The following FRRS1L variants were observed in gnomAD, a reference collection of about 807,000 sequenced individuals.
FRRS1L encodes ferric chelate reductase 1 like.
A neutral mutation model predicts 28.6 loss-of-function variants in FRRS1L; 22 were observed. The observed-to-expected ratio is 0.77, with a 90% CI of 0.55 to 1.10. FRRS1L has a LOEUF of 1.10. Among genes scored for constraint, FRRS1L ranks in the 50% least tolerant of loss-of-function variants. The pLI is 0.00. For missense variants in FRRS1L, 380 were observed against 386.9 expected (o/e 0.98, Z 0.15); for synonymous variants, 158 against 151.4 (o/e 1.04, Z -0.32).
At position 109,167,139 on chromosome 9, in the gene FRRS1L, CCG is replaced by C. The variant is rs1174413470; in HGVS notation, c.-3_-2del. ...GGTGCTGCCGGGGCGGCCGCGCCAT[CCG>C]TGCGCACAGATCCCGCAGCCAGGCC... is the stretch of plus-strand genomic sequence containing the variant. On this transcript the variant is annotated 5_prime_UTR_variant, in exon 1 of 5. Coordinates refer to ENST00000561981, the MANE Select transcript of FRRS1L (RefSeq NM_014334.4). 1 of 1,152,976 alleles carries C rather than the reference CCG, an allele frequency of 8.7e-7. No individual in the cohort carries two copies. The highest frequency in any genetic ancestry group is 1.1e-6 in the Non-Finnish European group (1 of 941,214). 71.4% of individuals were successfully genotyped at this position (1,152,976 alleles called of 1,614,324 possible). A position where few individuals can be genotyped will look rare whatever the true frequency, so the allele number is the denominator to read the frequency against.
intron 2 of FRRS1L, among the ~76,000 whole-genome samples, chr9:109,149,140 T>C (rs1831298237): frequency 6.6e-6 from 1 of 152,220 alleles, no homozygotes; most frequent in Non-Finnish European, 1.5e-5. Context: ...CAGCCCGTCA[T>C]GTCGTGATAC....
rs1831096081 is a variant in FRRS1L, at chr9:109,134,984, C to T, written c.*2471G>A. ...AGGGGACTTGAGTTTGAATCCTACC[C>T]AGTTCCATTATGCACTTGATGTCAT... On this transcript the variant is annotated 3_prime_UTR_variant, in exon 5 of 5. Transcript: ENST00000561981. 6.6e-6 allele frequency: 1 copy of T among 152,224 alleles called. No individual in the cohort carries two copies. 9.4% of individuals were successfully genotyped at this position (152,224 alleles called of 1,614,324 possible).
At chr9:109,144,994 T>C (rs1263432567) in intron 3 of FRRS1L, among the ~76,000 whole-genome samples, 1 of 152,168 alleles carries the variant, frequency 6.6e-6, no homozygotes, top group East Asian at 1.9e-4. Flanking sequence ...GCACTGTCAC[T>C]GCTGGAACTT....
chr9:109,147,551 C>T (rs987907483), intron 2 of FRRS1L: 2 of 168,172 alleles, frequency 1.2e-5, no homozygotes, highest in African/African-American at 4.7e-5. Flanking sequence ...ATTTCTGAAT[C>T]CCTTTTAATG....
At chr9:109,157,764 T>A (rs1200404149) in intron 1 of FRRS1L, among the ~76,000 whole-genome samples, 2 of 152,244 alleles carry the variant, frequency 1.3e-5, no homozygotes, top group Admixed American at 6.5e-5. Context: ...TTGGATACTA[T>A]ACTGTTACAG....
At chr9:109,142,796 G>T (rs560237156) in intron 3 of FRRS1L, among the ~76,000 whole-genome samples, 9 of 146,420 alleles carry the variant, frequency 6.1e-5, no homozygotes, top group African/African-American at 2.3e-4. Context: ...AATAGGGTGA[G>T]ACCCTGTCTC....
rs370942079 is a variant in FRRS1L at position 109,153,972 on chromosome 9, A to G, written c.239-4252T>C. 8.2e-4 allele frequency among the ~76,000 whole-genome samples: 125 copies of G among 152,298 alleles called. 1 individual carries two copies. Among genetic ancestry groups the G allele is most frequent in the Middle Eastern group, 3.4e-3 (1 of 294 alleles). On this transcript the variant is annotated intron_variant, in intron 1 of 4. Transcript: ENST00000561981. ...AGGTGCTTAGACTCTGCCAATAGCA[A>G]GCATTAGAGGAAGGCAGGAGGAGGG...
rs895585877 is a variant in FRRS1L at position 109,167,109 on chromosome 9, C to G, written c.30G>C (p.Gly10=). The change falls in exon 1 of 5, where the codon GGG becomes GGC. Residue 10 remains glycine (G), a synonymous_variant. Transcript: ENST00000561981. MARPPRQHP[G]VWASLLLLLL... ...GCAGCAGGAGCAGCGACGCCCAGAC[C>G]CCCGGGTGCTGCCGGGGCGGCCGCG... 1.5e-5 allele frequency: 18 copies of G among 1,174,586 alleles called. No homozygotes were observed. The African/African-American group carries it at 2.5e-4, about 16-fold the overall frequency. The allele number at this position is 1,174,586 out of a possible 1,614,324, so 72.8% of individuals were successfully genotyped here.
chr9:109,154,298 A>C (rs367565007), intron 1 of FRRS1L, among the ~76,000 whole-genome samples: 6 of 151,946 alleles, frequency 3.9e-5, no homozygotes, highest in African/African-American at 1.4e-4. Context: ...CTATCTTGGT[A>C]CTCCCTTTTT....
chr9:109,158,814 A>G (rs1185609751), intron 1 of FRRS1L, among the ~76,000 whole-genome samples: 5 of 152,234 alleles, frequency 3.3e-5, no homozygotes, highest in Non-Finnish European at 7.3e-5. Flanking sequence ...TTGTGTGAAC[A>G]TATGTTTCCA....
chr9:109,164,728 G>A (rs757305623), intron 1 of FRRS1L, among the ~76,000 whole-genome samples: 16 of 152,210 alleles, frequency 1.1e-4, no homozygotes, highest in Non-Finnish European at 1.3e-4. Context: ...ATGCCAACAG[G>A]TTAGAGGCAG....
intron 1 of FRRS1L, among the ~76,000 whole-genome samples, chr9:109,162,080 C>A (rs553906952): frequency 5.5e-4 from 84 of 152,300 alleles, no homozygotes; most frequent in African/African-American, 1.9e-3. Context: ...CTTTGGGGGG[C>A]CAAGGCAGGC....
At chr9:109,153,743 T>C (rs185657949) in intron 1 of FRRS1L, among the ~76,000 whole-genome samples, 1 of 152,164 alleles carries the variant, frequency 6.6e-6, no homozygotes, top group Non-Finnish European at 1.5e-5. Context: ...GGGTCATTAG[T>C]GTAGGAACTG....
intron 2 of FRRS1L, chr9:109,147,452 G>T: frequency 2.8e-6 from 1 of 362,634 alleles, no homozygotes; most frequent in East Asian, 4.6e-5. Context: ...GTTGCAACAG[G>T]ACTTGAATCT....
In FRRS1L at chr9:109,136,450, G is replaced by A. The variant is rs1831112305; in HGVS notation, c.*1005C>T. The A allele has an allele frequency of 6.7e-6, 1 of 149,068 alleles. No individual in the cohort carries two copies. Among genetic ancestry groups the A allele is most frequent in the Admixed American group, 6.7e-5 (1 of 14,884 alleles). 9.2% of individuals were successfully genotyped at this position (149,068 alleles called of 1,614,324 possible). A position where few individuals can be genotyped will look rare whatever the true frequency, so the allele number is the denominator to read the frequency against. On this transcript the variant is annotated 3_prime_UTR_variant, in exon 5 of 5. Coordinates refer to ENST00000561981, the MANE Select transcript of FRRS1L (RefSeq NM_014334.4). ...GCTCACAGTTTGGTCTCCAACCTTT[G>A]CAAATAGCAGTAAAAATGTTTTCCC...
rs1326666932 is a variant in FRRS1L at position 109,134,202 on chromosome 9, A to C, written c.*3253T>G. 6.6e-6 allele frequency: 1 copy of C among 152,238 alleles called. No homozygotes were observed. Among genetic ancestry groups the C allele is most frequent in the Admixed American group, 6.5e-5 (1 of 15,290 alleles). The allele number at this position is 152,238 out of a possible 1,614,324, so 9.4% of individuals were successfully genotyped here. A position where few individuals can be genotyped will look rare whatever the true frequency, so the allele number is the denominator to read the frequency against. ...GCCATAGAAGTATAGTTTCACATAT[A>C]GATTCATTCCACAAATGTTTGCTGA... is the stretch of plus-strand genomic sequence containing the variant. On this transcript the variant is annotated 3_prime_UTR_variant, in exon 5 of 5. Coordinates refer to ENST00000561981, the MANE Select transcript of FRRS1L (RefSeq NM_014334.4).
Position 109,133,562 on chromosome 9 carries a change from G to A in FRRS1L, c.*3893C>T, listed in dbSNP as rs1045517107. ...CTCCTTAGGCTTCAGCTGCACCTCT[G>A]TAAAATAAGAGCATTGGATTAAATG... On this transcript the variant is annotated 3_prime_UTR_variant, in exon 5 of 5. Coordinates refer to ENST00000561981, the MANE Select transcript of FRRS1L (RefSeq NM_014334.4). 6.6e-6 allele frequency: 1 copy of A among 152,314 alleles called. No individual in the cohort carries two copies. Among genetic ancestry groups the A allele is most frequent in the East Asian group, 1.9e-4 (1 of 5,192 alleles). The allele number at this position is 152,314 out of a possible 1,614,324, so 9.4% of individuals were successfully genotyped here. A position where few individuals can be genotyped will look rare whatever the true frequency, so the allele number is the denominator to read the frequency against.
chr9:109,164,238 G>A (rs1030183616), intron 1 of FRRS1L, among the ~76,000 whole-genome samples: 9 of 152,242 alleles, frequency 5.9e-5, no homozygotes, highest in Middle Eastern at 6.8e-3. Flanking sequence ...GAATCTGTAT[G>A]CAAAGAGGAA....
chr9:109,153,108 G>C (rs897454003), intron 1 of FRRS1L, among the ~76,000 whole-genome samples: 4 of 152,144 alleles, frequency 2.6e-5, no homozygotes, highest in African/African-American at 9.7e-5. Flanking sequence ...GTTTCTGGGA[G>C]ACAAACTCTA....
Sources: gnomAD v4.1 joint callset for allele counts (sites outside exome capture counted in the v4.1 genomes callset) on GRCh38, gnomAD v4.1.1 for gene constraint, MANE v1.5 for transcripts, NCBI Gene and HGNC (gene_info 2026-07-23, HGNC 2026-07-21) for gene names.